Variants in STARD13 observed in about 807,000 individuals in gnomAD.
STARD13 encodes the protein StAR related lipid transfer domain containing 13, also known as stAR-related lipid transfer protein 13.
In STARD13, 62 loss-of-function variants were observed where a neutral mutation model predicts 106.4. The observed-to-expected ratio is 0.58, with a 90% CI of 0.48 to 0.72. STARD13 has a LOEUF of 0.72. Ranked by LOEUF, STARD13 falls within the 30% of genes least tolerant of loss-of-function variation. The pLI is 0.00. For missense variants in STARD13, 1,387 were observed against 1,424.0 expected, an observed-to-expected ratio of 0.97 and a Z score of 0.42; for synonymous variants, 565 against 553.0, an observed-to-expected ratio of 1.02 and a Z score of -0.31.
At chr13:33,459,042 C>CTAT in the STARD13 span, among the ~76,000 whole-genome samples, 2 of 151,888 alleles carry the variant, frequency 1.3e-5, no homozygotes, top group African/African-American at 4.8e-5. Flanking sequence ...TGTGCCCGGC[C>CTAT]TATTATTATT....
chr13:33,359,387 A>T, the STARD13 span: 2 of 169,652 alleles, frequency 1.2e-5, no homozygotes, highest in African/African-American at 4.8e-5. Context: ...ACCCACCAGA[A>T]GGAAGAAACT....
chr13:33,425,253 G>A, the STARD13 span, among the ~76,000 whole-genome samples: 1 of 152,180 alleles, frequency 6.6e-6, no homozygotes, highest in Non-Finnish European at 1.5e-5. Flanking sequence ...TTCTTTCAAA[G>A]CCACCAACAA....
At chr13:33,158,409 G>A (rs1006535172) in intron 3 of STARD13, among the ~76,000 whole-genome samples, 7 of 152,208 alleles carry the variant, frequency 4.6e-5, no homozygotes, top group African/African-American at 9.6e-5. Flanking sequence ...AATACCAAAG[G>A]TGAGTGGAAT....
At chr13:33,672,869 A>G in the STARD13 span, among the ~76,000 whole-genome samples, 2 of 152,218 alleles carry the variant, frequency 1.3e-5, no homozygotes, top group East Asian at 1.9e-4. Flanking sequence ...CAATATAACT[A>G]TATTGATTAT....
intron 1 of STARD13, 140 bp from the exon 2 acceptor site, chr13:33,167,762 G>T: frequency 1.3e-6 from 1 of 763,090 alleles, no homozygotes; most frequent in Non-Finnish European, 2.2e-6. Context: ...GCATAAGTAG[G>T]CTTACCCGGG....
intron 1 of STARD13, among the ~76,000 whole-genome samples, chr13:33,214,226 G>C (rs1887893504): frequency 6.6e-6 from 1 of 152,134 alleles, no homozygotes; most frequent in African/African-American, 2.4e-5. Flanking sequence ...CAAACAAAAA[G>C]CACATTCTTC....
At chr13:33,331,740 T>G (rs2077839046) in intron 1 of STARD13, among the ~76,000 whole-genome samples, 1 of 152,068 alleles carries the variant, frequency 6.6e-6, no homozygotes, top group South Asian at 2.1e-4. Context: ...CTTTTTCATC[T>G]TTTTTCTCAG....
chr13:33,320,413 C>G (rs1272899146), intron 1 of STARD13, among the ~76,000 whole-genome samples: 1 of 152,038 alleles, frequency 6.6e-6, no homozygotes, highest in Non-Finnish European at 1.5e-5. Flanking sequence ...GATTAGCTAA[C>G]TAGCATAAGA....
At chr13:33,630,840 G>A in the STARD13 span, among the ~76,000 whole-genome samples, 1 of 152,108 alleles carries the variant, frequency 6.6e-6, no homozygotes, top group African/African-American at 2.4e-5. Context: ...TGGCCATTAT[G>A]TGGTAGATGC....
intron 1 of STARD13, among the ~76,000 whole-genome samples, chr13:33,322,087 TCA>T (rs945005820): frequency 1.9e-4 from 29 of 152,238 alleles, no homozygotes; most frequent in Non-Finnish European, 3.7e-4. Flanking sequence ...AGCTCATTAA[TCA>T]CAGTGTTGAG....
the STARD13 span, among the ~76,000 whole-genome samples, chr13:33,450,922 C>T: frequency 2.6e-5 from 4 of 152,008 alleles, no homozygotes; most frequent in Non-Finnish European, 2.9e-5. Flanking sequence ...TTGCTCTGTC[C>T]CCCAGGCTGG....
intron 10 of STARD13, among the ~76,000 whole-genome samples, chr13:33,111,398 T>G (rs1024112585): frequency 6.6e-6 from 1 of 152,232 alleles, no homozygotes; most frequent in Non-Finnish European, 1.5e-5. Flanking sequence ...GTGGCTGTAT[T>G]CATAAGCTGT....
At chr13:33,437,648 G>A in the STARD13 span, among the ~76,000 whole-genome samples, 1 of 152,028 alleles carries the variant, frequency 6.6e-6, no homozygotes, top group Admixed American at 6.6e-5. Flanking sequence ...AAAAAAGGGG[G>A]GATGACTGTA....
chr13:33,653,863 G>T, the STARD13 span, among the ~76,000 whole-genome samples: 1 of 152,058 alleles, frequency 6.6e-6, no homozygotes, highest in African/African-American at 2.4e-5. Flanking sequence ...TAAAAAATGG[G>T]CAAATGATTT....
At chr13:33,613,157 A>G in the STARD13 span, among the ~76,000 whole-genome samples, 1 of 152,194 alleles carries the variant, frequency 6.6e-6, no homozygotes, top group Non-Finnish European at 1.5e-5. Flanking sequence ...TAGGAATAAA[A>G]ATACTTTGCA....
At chr13:33,258,485 A>G (rs1240014423) in intron 1 of STARD13, among the ~76,000 whole-genome samples, 1 of 152,232 alleles carries the variant, frequency 6.6e-6, no homozygotes, top group East Asian at 1.9e-4. Flanking sequence ...AGAAAGAAAA[A>G]AAAAAAAGAG....
At chr13:33,352,685 T>A (rs1477972927), upstream of STARD13, among the ~76,000 whole-genome samples, 1 of 152,202 alleles carries the variant, frequency 6.6e-6, no homozygotes, top group Non-Finnish European at 1.5e-5. Context: ...GGCTGAGCAG[T>A]GTGTGCCACC....
chr13:33,397,920 G>GC, the STARD13 span, among the ~76,000 whole-genome samples: 1 of 152,180 alleles, frequency 6.6e-6, no homozygotes, highest in Non-Finnish European at 1.5e-5. Context: ...TGAGAGCTCT[G>GC]CCCCCATGAG....
the STARD13 span, among the ~76,000 whole-genome samples, chr13:33,368,115 A>G: frequency 6.6e-6 from 1 of 152,094 alleles, no homozygotes; most frequent in African/African-American, 2.4e-5. Flanking sequence ...TTCTTATCTC[A>G]GGGGAGTAAA....
Sources: gnomAD v4.1 joint callset for allele counts (sites outside exome capture counted in the v4.1 genomes callset) on GRCh38, gnomAD v4.1.1 for gene constraint, MANE v1.5 for transcripts, NCBI Gene and HGNC (gene_info 2026-07-23, HGNC 2026-07-21) for gene names.